The following ZDHHC15 variants were observed in gnomAD, a reference collection of about 807,000 sequenced individuals.
The protein encoded by ZDHHC15 is palmitoyltransferase ZDHHC15.
In ZDHHC15, 19 loss-of-function variants were observed where a neutral mutation model predicts 31.7. That is an observed-to-expected ratio of 0.60 (90% CI 0.42 to 0.88). ZDHHC15 has a LOEUF of 0.88. Among genes scored for constraint, ZDHHC15 ranks in the 40% least tolerant of loss-of-function variants. The pLI, the probability that ZDHHC15 is intolerant of heterozygous loss-of-function variation, is 0.00. For missense variants in ZDHHC15, 209 were observed against 251.2 expected (o/e 0.83, Z 1.14); for synonymous variants, 103 against 90.0 (o/e 1.14, Z -0.82).
At chrX:75,374,218 C>G (rs1027301214) in intron 11 of ZDHHC15, among the ~76,000 whole-genome samples, 1 of 109,077 alleles carries the variant, frequency 9.2e-6, no homozygotes, top group African/African-American at 3.3e-5. Context: ...ACATCACACA[C>G]CGGGGCCTGT....
At chrX:75,492,180 A>G in intron 2 of ZDHHC15, among the ~76,000 whole-genome samples, 1 of 111,666 alleles carries the variant, frequency 9.0e-6, no homozygotes, top group Non-Finnish European at 1.9e-5. Flanking sequence ...AAAAGAGACA[A>G]AGAAGGACAT....
chrX:75,443,771 G>A (rs1190648234), intron 4 of ZDHHC15, among the ~76,000 whole-genome samples: 2 of 111,721 alleles, frequency 1.8e-5, no homozygotes, highest in African/African-American at 6.5e-5. Context: ...CAATTTACAA[G>A]GAAAAAACAA....
At chrX:75,431,876 TCA>T (rs1222870620) in intron 4 of ZDHHC15, among the ~76,000 whole-genome samples, 1 of 111,938 alleles carries the variant, frequency 8.9e-6, no homozygotes, top group Admixed American at 9.5e-5. Flanking sequence ...AAATAAGGAT[TCA>T]CAGTTTATCT....
intron 4 of ZDHHC15, among the ~76,000 whole-genome samples, chrX:75,437,221 T>A (rs1322934391): frequency 1.8e-5 from 2 of 111,256 alleles, no homozygotes; most frequent in African/African-American, 3.3e-5. Context: ...TAGTGTGTAG[T>A]TTAAGTCTAC....
chrX:75,478,231 CA>C (rs2084636360), intron 3 of ZDHHC15, among the ~76,000 whole-genome samples: 1 of 111,748 alleles, frequency 8.9e-6, no homozygotes, highest in Non-Finnish European at 1.9e-5. Flanking sequence ...AGTTGTATTT[CA>C]GAGTCTCACT....
At chrX:75,473,540 T>C (rs2084538269) in intron 3 of ZDHHC15, among the ~76,000 whole-genome samples, 1 of 111,125 alleles carries the variant, frequency 9.0e-6, no homozygotes, top group African/African-American at 3.3e-5. Context: ...ACCTGGACAG[T>C]TTGGGCTCCT....
intron 4 of ZDHHC15, among the ~76,000 whole-genome samples, chrX:75,436,571 C>T (rs1204482063): frequency 8.9e-6 from 1 of 112,021 alleles, no homozygotes; most frequent in Admixed American, 9.5e-5. Context: ...TTAAAACTTC[C>T]ATCTTGATTT....
intron 11 of ZDHHC15, among the ~76,000 whole-genome samples, chrX:75,377,989 C>A (rs1327987688): frequency 8.9e-6 from 1 of 112,224 alleles, no homozygotes; most frequent in African/African-American, 3.2e-5. Flanking sequence ...TAACCCAAAT[C>A]TAGATATTAC....
At chrX:75,482,838 C>G (rs1242699634) in intron 2 of ZDHHC15, among the ~76,000 whole-genome samples, 1 of 109,398 alleles carries the variant, frequency 9.1e-6, no homozygotes, top group Non-Finnish European at 1.9e-5. Context: ...CTGTTTTGGG[C>G]GTTGAAGTGT....
intron 1 of ZDHHC15, among the ~76,000 whole-genome samples, chrX:75,510,115 C>A (rs1189444321): frequency 9.0e-6 from 1 of 111,459 alleles, no homozygotes; most frequent in Non-Finnish European, 1.9e-5. Flanking sequence ...TTACTCACAC[C>A]AGCCATTCAT....
At chrX:75,475,978 A>T (rs925038094) in intron 3 of ZDHHC15, among the ~76,000 whole-genome samples, 6 of 111,584 alleles carry the variant, frequency 5.4e-5, no homozygotes, top group African/African-American at 2.0e-4. Flanking sequence ...GTGCTATTAT[A>T]AATGAAATTG....
At chrX:75,475,960 T>C (rs2084597044) in intron 3 of ZDHHC15, among the ~76,000 whole-genome samples, 1 of 111,829 alleles carries the variant, frequency 8.9e-6, no homozygotes, top group Admixed American at 9.6e-5. Context: ...AAGTATTTTA[T>C]GTTTTTGGTG....
intron 2 of ZDHHC15, among the ~76,000 whole-genome samples, chrX:75,484,367 T>C (rs1326570049): frequency 2.7e-5 from 3 of 111,752 alleles, no homozygotes; most frequent in East Asian, 2.8e-4. Flanking sequence ...AGCTCAATAA[T>C]AAGACAACTC....
At chrX:75,454,352 G>C (rs2084179432) in intron 3 of ZDHHC15, among the ~76,000 whole-genome samples, 1 of 111,953 alleles carries the variant, frequency 8.9e-6, no homozygotes, top group African/African-American at 3.2e-5. Flanking sequence ...ATTAGGGTTG[G>C]TTCCAAGTCT....
At position 75,412,095 on chromosome X, in the gene ZDHHC15, G is replaced by T. The variant is rs1310155641; in HGVS notation, c.967+4992C>A. ...TGAGATATCACCTTCCACCAGTTAG[G>T]ATGGTCATTCTCAAAAAGTCAAAAG... On this transcript the variant is annotated intron_variant, in intron 10 of 11. Transcript: ENST00000373367. Among the ~76,000 whole-genome samples, 6 of 112,031 alleles carry T rather than the reference G, an allele frequency of 5.4e-5. No homozygotes were observed. The East Asian group carries it at 1.7e-3, about 31-fold the overall frequency.
chrX:75,393,235 C>A (rs1452006488), intron 10 of ZDHHC15, among the ~76,000 whole-genome samples: 1 of 111,363 alleles, frequency 9.0e-6, no homozygotes, highest in African/African-American at 3.3e-5. Context: ...GTTCAGGTGG[C>A]AATCATAACT....
At chrX:75,518,895 T>C in intron 1 of ZDHHC15, among the ~76,000 whole-genome samples, 1 of 100,225 alleles carries the variant, frequency 1.0e-5, no homozygotes, top group African/African-American at 3.7e-5. Flanking sequence ...TGTTACATAA[T>C]ATAATGTGGA....
chrX:75,479,955 C>T (rs994685455), intron 2 of ZDHHC15, among the ~76,000 whole-genome samples: 2 of 111,447 alleles, frequency 1.8e-5, no homozygotes, highest in African/African-American at 6.5e-5. Context: ...TCTTTTCATA[C>T]CCTTTGCCTT....
At chrX:75,454,133 GA>G (rs1249783351) in intron 3 of ZDHHC15, among the ~76,000 whole-genome samples, 1 of 111,672 alleles carries the variant, frequency 9.0e-6, no homozygotes, top group African/African-American at 3.3e-5. Flanking sequence ...TGTATATTTA[GA>G]AAACCCCATC....
Sources: gnomAD v4.1 joint callset for allele counts (sites outside exome capture counted in the v4.1 genomes callset) on GRCh38, gnomAD v4.1.1 for gene constraint, MANE v1.5 for transcripts, NCBI Gene and HGNC (gene_info 2026-07-23, HGNC 2026-07-21) for gene names.